The following CLOCK variants were observed in gnomAD, a reference collection of about 807,000 sequenced individuals.
CLOCK encodes the protein clock circadian regulator, also known as circadian locomoter output cycles protein kaput.
In CLOCK, 43 loss-of-function variants were observed where a neutral mutation model predicts 118.4. The observed-to-expected ratio is 0.36, with a 90% CI of 0.28 to 0.47. CLOCK has a LOEUF of 0.47. Ranked by LOEUF, CLOCK falls within the 20% of genes least tolerant of loss-of-function variation. The pLI is 1.00. For synonymous variants in CLOCK, 326 were observed against 339.2 expected (o/e 0.96, Z 0.43); for missense variants, 846 against 999.9 (o/e 0.85, Z 2.08).
Position 55,429,224 on chromosome 4 carries a change from T to C in CLOCK, c.*6191A>G, listed in dbSNP as rs1722365133. ...CCTAAGAAATTTAAAAGCTTTTATTTGAAAACGTATCTTCAGTTTAACCCT... is the reference window on the plus strand; with the variant it reads ...CCTAAGAAATTTAAAAGCTTTTATTCGAAAACGTATCTTCAGTTTAACCCT... On this transcript the variant is annotated 3_prime_UTR_variant, in exon 23 of 23. Coordinates refer to ENST00000513440, the MANE Select transcript of CLOCK (RefSeq NM_004898.4). The C allele has an allele frequency of 6.6e-6, 1 of 152,226 alleles. No homozygotes were observed. The highest frequency in any genetic ancestry group is 1.5e-5 in the Non-Finnish European group (1 of 68,036). The allele number at this position is 152,226 out of a possible 1,614,324, so 9.4% of individuals were successfully genotyped here. A position where few individuals can be genotyped will look rare whatever the true frequency, so the allele number is the denominator to read the frequency against.
At chr4:55,494,983 C>G (rs75261286) in intron 2 of CLOCK, among the ~76,000 whole-genome samples, 3,838 of 152,224 alleles carry the variant, frequency 0.025, 161 homozygotes, top group African/African-American at 0.088. Context: ...ATGGTAGCAA[C>G]AGAAAACTAT....
chr4:55,475,130 C>G (rs11133387), intron 7 of CLOCK, among the ~76,000 whole-genome samples: 51,397 of 152,050 alleles, frequency 0.34, 9,382 homozygotes, highest in East Asian at 0.58. Flanking sequence ...GGGAGAAGGT[C>G]AAAATATCAA....
intron 1 of CLOCK, among the ~76,000 whole-genome samples, chr4:55,535,130 G>A (rs750056151): frequency 1.3e-5 from 2 of 151,330 alleles, no homozygotes; most frequent in African/African-American, 2.4e-5. Flanking sequence ...CAAAGGCCTC[G>A]CTATATTGCC....
At chr4:55,486,912 G>A (rs1392467405) in intron 3 of CLOCK, among the ~76,000 whole-genome samples, 4 of 152,096 alleles carry the variant, frequency 2.6e-5, no homozygotes, top group Non-Finnish European at 4.4e-5. Context: ...GTTTTCTCGA[G>A]TTGTTCTCTA....
intron 7 of CLOCK, among the ~76,000 whole-genome samples, 182 bp from the exon 8 acceptor site, chr4:55,470,988 C>G (rs1726107651): frequency 1.3e-5 from 2 of 152,098 alleles, no homozygotes; most frequent in African/African-American, 4.8e-5. Context: ...TTTTTAAATG[C>G]TTCTGGAGAA....
intron 8 of CLOCK, among the ~76,000 whole-genome samples, chr4:55,465,946 T>G (rs545091516): frequency 5.6e-4 from 70 of 124,504 alleles, no homozygotes; most frequent in African/African-American, 2.2e-3. Flanking sequence ...AATAAGACTC[T>G]GTCTCAAAAA....
At chr4:55,527,975 T>C (rs1730312934) in intron 1 of CLOCK, among the ~76,000 whole-genome samples, 1 of 151,358 alleles carries the variant, frequency 6.6e-6, no homozygotes, top group African/African-American at 2.4e-5. Context: ...AAGGCTGCAG[T>C]GAGCTATAAT....
At chr4:55,498,750 A>G (rs1295290536) in intron 2 of CLOCK, among the ~76,000 whole-genome samples, 1 of 152,150 alleles carries the variant, frequency 6.6e-6, no homozygotes, top group East Asian at 1.9e-4. Context: ...AGGTCTTTGC[A>G]TCACGTAAGT....
Position 55,442,991 on chromosome 4 carries a change from T to G in CLOCK, c.1903-357A>C, listed in dbSNP as rs1191911289. Among the ~76,000 whole-genome samples the G allele has an allele frequency of 1.7e-4, 26 of 152,294 alleles. 1 individual carries two copies. On this transcript the variant is annotated intron_variant, in intron 20 of 22. Coordinates refer to ENST00000513440, the MANE Select transcript of CLOCK (RefSeq NM_004898.4). ...GGGATTTACAGTCACAGATCTACAG[T>G]AATTACCAACATTTTCTGGAATATT...
At position 55,495,631 on chromosome 4, in the gene CLOCK, C is replaced by T. The variant is rs990434616; in HGVS notation, c.-135-6166G>A. Among the ~76,000 whole-genome samples, 3 of 152,216 alleles carry T rather than the reference C, an allele frequency of 2.0e-5. No individual in the cohort carries two copies. In the South Asian group the frequency reaches 6.2e-4, roughly 32 times the overall value. On this transcript the variant is annotated intron_variant, in intron 2 of 22. Transcript: ENST00000513440. ...TTCACTCCACGAAGGGTGTGACCCT[C>T]TCCAATACCTCTTTTGAATTTCAAT...
At chr4:55,493,605 T>G (rs1727861827) in intron 2 of CLOCK, among the ~76,000 whole-genome samples, 1 of 152,210 alleles carries the variant, frequency 6.6e-6, no homozygotes. Flanking sequence ...CCCAAATATT[T>G]AATACTTTTT....
At chr4:55,469,159 CTT>C (rs1273475727) in intron 8 of CLOCK, among the ~76,000 whole-genome samples, 1 of 149,238 alleles carries the variant, frequency 6.7e-6, no homozygotes, top group African/African-American at 2.5e-5. Context: ...GAGTTTCGCT[CTT>C]GTTGCCCAGG....
chr4:55,533,833 G>A (rs1477002669), intron 1 of CLOCK, among the ~76,000 whole-genome samples: 1 of 152,152 alleles, frequency 6.6e-6, no homozygotes, highest in East Asian at 1.9e-4. Context: ...AACCTGGGAG[G>A]CAGAGGTTGC....
At chr4:55,435,727 C>T in intron 22 of CLOCK, 133 bp from the exon 23 acceptor site, 2 of 912,278 alleles carry the variant, frequency 2.2e-6, no homozygotes, top group South Asian at 1.4e-5. Context: ...CTTTCACTCT[C>T]TGGTTTAAAA....
At chr4:55,521,999 T>G (rs967040140) in intron 1 of CLOCK, among the ~76,000 whole-genome samples, 1 of 152,108 alleles carries the variant, frequency 6.6e-6, no homozygotes, top group African/African-American at 2.4e-5. Flanking sequence ...ATATGTATAT[T>G]AAAAAGGCAG....
At chr4:55,528,581 A>C (rs1730347835) in intron 1 of CLOCK, among the ~76,000 whole-genome samples, 1 of 152,258 alleles carries the variant, frequency 6.6e-6, no homozygotes, top group South Asian at 2.1e-4. Flanking sequence ...ACAGAGAGAA[A>C]GTGTTTACAA....
chr4:55,475,592 T>A (rs73153608), intron 7 of CLOCK, among the ~76,000 whole-genome samples: 1 of 151,964 alleles, frequency 6.6e-6, no homozygotes, highest in African/African-American at 2.4e-5. Flanking sequence ...TTTTAAGAAA[T>A]TGCCGTAGCC....
At chr4:55,478,985 A>AT (rs780997557) in intron 5 of CLOCK, 22 bp from the exon 6 acceptor site, 35 of 1,553,978 alleles carry the variant, frequency 2.3e-5, no homozygotes, top group East Asian at 2.3e-5. Context: ...AAAAATATGC[A>AT]TTTTTTAAAC....
rs1358800390 is a variant in CLOCK at position 55,430,920 on chromosome 4, A to T, written c.*4495T>A. On this transcript the variant is annotated 3_prime_UTR_variant, in exon 23 of 23. Transcript: ENST00000513440. Reference sequence around the variant, plus strand: ...CTTGACTCCACCACATTCAAAACAAAAATCAAAGTTCATTTGGCTATCTTG... The same window carrying T: ...CTTGACTCCACCACATTCAAAACAATAATCAAAGTTCATTTGGCTATCTTG... The T allele has an allele frequency of 6.6e-6, 1 of 152,188 alleles. No homozygotes were observed. The highest frequency in any genetic ancestry group is 2.4e-5 in the African/African-American group (1 of 41,444). 9.4% of individuals were successfully genotyped at this position (152,188 alleles called of 1,614,324 possible). A position where few individuals can be genotyped will look rare whatever the true frequency, so the allele number is the denominator to read the frequency against.
Sources: gnomAD v4.1 joint callset for allele counts (sites outside exome capture counted in the v4.1 genomes callset) on GRCh38, gnomAD v4.1.1 for gene constraint, MANE v1.5 for transcripts, NCBI Gene and HGNC (gene_info 2026-07-23, HGNC 2026-07-21) for gene names.